OPRM1: variants seen among roughly 807,000 people sequenced by gnomAD.
OPRM1 encodes mu-type opioid receptor.
OPRM1 carries 27 observed loss-of-function variants against 31.8 expected under a neutral mutation model. The observed-to-expected ratio is 0.85, with a 90% confidence interval of 0.63 to 1.17. The LOEUF (loss-of-function observed/expected upper bound fraction) is 1.17. Among genes scored for constraint, OPRM1 ranks in the 50% most tolerant of loss-of-function variants. The probability of loss-of-function intolerance (pLI) is 0.00; values close to 1 mark genes in which losing one functional copy is unlikely to be tolerated. For missense variants in OPRM1, 536 were observed against 511.1 expected, an observed-to-expected ratio of 1.05 and a Z score of -0.47; for synonymous variants, 196 against 189.9, an observed-to-expected ratio of 1.03 and a Z score of -0.26.
intron 1 of OPRM1, among the ~76,000 whole-genome samples, chr6:154,040,104 G>T (rs925106685): frequency 1.4e-4 from 21 of 152,152 alleles, no homozygotes; most frequent in African/African-American, 5.1e-4. Context: ...GGGGTGGGGG[G>T]CGGAGGGAAG....
intron 1 of OPRM1, among the ~76,000 whole-genome samples, chr6:154,061,656 G>A (rs190125757): frequency 8.6e-5 from 13 of 151,920 alleles, no homozygotes; most frequent in Admixed American, 3.3e-4. Context: ...AACAGACACC[G>A]GGGCTTACTT....
chr6:154,119,221 A>C lies in OPRM1; in HGVS notation c.*500A>C. ...TATTTTAGACTTTTAACTTCACCTT[A>C]AAATTAGCATCTGGCTAAGGCATCA... On this transcript the variant is annotated 3_prime_UTR_variant, in exon 4 of 4. Coordinates refer to ENST00000330432, the MANE Select transcript of OPRM1 (RefSeq NM_000914.5). The C allele has an allele frequency of 4.1e-6, 4 of 985,942 alleles. No individual in the cohort carries two copies. Among genetic ancestry groups the C allele is most frequent in the Non-Finnish European group, 4.8e-6 (4 of 829,972 alleles). 61.1% of individuals were successfully genotyped at this position (985,942 alleles called of 1,614,324 possible).
Position 154,091,319 on chromosome 6 carries a change from T to G in OPRM1, c.1011T>G (p.Leu337=), listed in dbSNP as rs752930536. 3.1e-6 allele frequency: 5 copies of G among 1,614,194 alleles called. No individual in the cohort carries two copies. Among genetic ancestry groups the G allele is most frequent in the Non-Finnish European group, 4.2e-6 (5 of 1,180,036 alleles). The change falls in exon 3 of 4, where the codon CTT becomes CTG. Residue 337 remains leucine, a synonymous_variant. Coordinates refer to ENST00000330432, the MANE Select transcript of OPRM1 (RefSeq NM_000914.5). ...CAAACAGCTGCCTCAACCCAGTCCT[T>G]TATGCATTTCTGGATGAAAACTTCA... ...GYTNSCLNPV[L]YAFLDENFKR... is the part of the protein sequence containing the mutation.
At chr6:154,015,576 T>G (rs1777958524) in intron 1 of OPRM1, among the ~76,000 whole-genome samples, 3 of 152,010 alleles carry the variant, frequency 2.0e-5, no homozygotes. Flanking sequence ...CATGGGTAAA[T>G]TCTATAATCT....
intron 1 of OPRM1, among the ~76,000 whole-genome samples, chr6:154,018,947 T>C (rs1778172699): frequency 6.6e-6 from 1 of 151,074 alleles, no homozygotes; most frequent in African/African-American, 2.4e-5. Flanking sequence ...CTTAACAATA[T>C]TACTTTTTTT....
At chr6:154,012,558 G>T (rs1777785878) in intron 1 of OPRM1, among the ~76,000 whole-genome samples, 1 of 152,044 alleles carries the variant, frequency 6.6e-6, no homozygotes, top group Non-Finnish European at 1.5e-5. Context: ...AAACTCAAAG[G>T]TAGGATTTGG....
chr6:154,135,362 G>A (rs964741716), downstream of OPRM1, among the ~76,000 whole-genome samples: 5 of 152,052 alleles, frequency 3.3e-5, no homozygotes, highest in Admixed American at 6.6e-5. Flanking sequence ...CCAGCTACTC[G>A]GGAGGCTGAG....
Position 154,129,986 on chromosome 6 carries a change from T to C in OPRM1, c.*11265T>C, listed in dbSNP as rs375113655. 6.6e-5 allele frequency among the ~76,000 whole-genome samples: 10 copies of C among 152,224 alleles called. No individual in the cohort carries two copies. In the East Asian group the frequency reaches 9.6e-4, roughly 15 times the overall value. On this transcript the variant is annotated 3_prime_UTR_variant, in exon 4 of 4. Transcript: ENST00000330432. ...ATTTACCAAAGGCTTACCTCCTTAT[T>C]TGAAACTCCAGCATCAATAATTTAC... is the stretch of plus-strand genomic sequence containing the variant.
intron 3 of OPRM1, chr6:154,155,722 AGT>A (rs2128543581): frequency 6.6e-6 from 1 of 152,382 alleles, no homozygotes; most frequent in South Asian, 2.1e-4. Context: ...CAGAGGTTGC[AGT>A]GAGCTAAAAT....
chr6:154,049,202 A>G (rs562856011), intron 1 of OPRM1, among the ~76,000 whole-genome samples: 125 of 152,342 alleles, frequency 8.2e-4, no homozygotes, highest in Non-Finnish European at 1.5e-3. Flanking sequence ...GCCACATCAC[A>G]GTCTTCTTGG....
At chr6:154,200,192 T>G in intron 3 of OPRM1, 1 of 719,496 alleles carries the variant, frequency 1.4e-6, no homozygotes, top group South Asian at 2.0e-5. Context: ...TGATATTTAT[T>G]TCTGTTTGAC....
chr6:154,100,007 T>C lies in OPRM1; in HGVS notation c.1164+8535T>C, dbSNP rs966775115. 1.4e-3 allele frequency among the ~76,000 whole-genome samples: 185 copies of C among 132,620 alleles called. 1 individual carries two copies. Among genetic ancestry groups the C allele is most frequent in the African/African-American group, 4.2e-3 (154 of 36,538 alleles). The allele number at this position is 132,620 out of a possible 152,430, so 87.0% of individuals were successfully genotyped here. A position where few individuals can be genotyped will look rare whatever the true frequency, so the allele number is the denominator to read the frequency against. On this transcript the variant is annotated intron_variant, in intron 3 of 3. Transcript: ENST00000330432. ...TAACATATTATATATTATCATATTA[T>C]GATATATATCATAACATATTATATA...
intron 3 of OPRM1, among the ~76,000 whole-genome samples, chr6:154,179,961 G>A (rs899068040): frequency 6.6e-6 from 1 of 152,058 alleles, no homozygotes; most frequent in East Asian, 1.9e-4. Context: ...TGGAATTGCT[G>A]GTCCATGAAC....
intron 1 of OPRM1, among the ~76,000 whole-genome samples, chr6:154,075,667 G>A (rs1200631381): frequency 6.6e-6 from 1 of 152,106 alleles, no homozygotes; most frequent in African/African-American, 2.4e-5. Flanking sequence ...GGCCAGGCTG[G>A]TCTCAAACTC....
Position 154,123,796 on chromosome 6 carries a change from A to G in OPRM1, c.*5075A>G, listed in dbSNP as rs1399225549. ...GAATGTTTTTTAGCATGCTAATGCAATATAATTAGTGTATAATGAGTAGTG... is the reference window on the plus strand; with the variant it reads ...GAATGTTTTTTAGCATGCTAATGCAGTATAATTAGTGTATAATGAGTAGTG... On this transcript the variant is annotated 3_prime_UTR_variant, in exon 4 of 4. Transcript: ENST00000330432. Among the ~76,000 whole-genome samples the G allele has an allele frequency of 1.3e-5, 2 of 152,204 alleles. No individual in the cohort carries two copies. Among genetic ancestry groups the G allele is most frequent in the Non-Finnish European group, 2.9e-5 (2 of 68,034 alleles).
At chr6:154,104,992 G>A (rs978402530) in intron 3 of OPRM1, among the ~76,000 whole-genome samples, 6 of 152,116 alleles carry the variant, frequency 3.9e-5, no homozygotes, top group African/African-American at 9.7e-5. Context: ...GTGTAGGCAA[G>A]GTATGAGGCC....
At chr6:154,193,982 C>T (rs1309143728) in intron 3 of OPRM1, among the ~76,000 whole-genome samples, 1 of 152,156 alleles carries the variant, frequency 6.6e-6, no homozygotes, top group South Asian at 2.1e-4. Context: ...TCATGACATA[C>T]ACAGTTTACA....
Position 154,131,251 on chromosome 6 carries a change from T to C in OPRM1, c.*12530T>C, listed in dbSNP as rs1562499961. ...TTTCCGTAGGAAAAAAATCAAAATATTGTAAAGAATCTGAGTAAATGAGAG... is the reference window on the plus strand; with the variant it reads ...TTTCCGTAGGAAAAAAATCAAAATACTGTAAAGAATCTGAGTAAATGAGAG... On this transcript the variant is annotated 3_prime_UTR_variant, in exon 4 of 4. Transcript: ENST00000330432. Among the ~76,000 whole-genome samples, 1 of 152,174 alleles carries C rather than the reference T, an allele frequency of 6.6e-6. No homozygotes were observed. The highest frequency in any genetic ancestry group is 1.5e-5 in the Non-Finnish European group (1 of 68,036).
chr6:154,118,574 T>C, intron 3 of OPRM1, 109 bp from the exon 4 acceptor site: 1 of 952,492 alleles, frequency 1.0e-6, no homozygotes. Flanking sequence ...CAGGTGAAAG[T>C]ATACATGAAG....
Sources: gnomAD v4.1 joint callset for allele counts (sites outside exome capture counted in the v4.1 genomes callset) on GRCh38, gnomAD v4.1.1 for gene constraint, MANE v1.5 for transcripts, NCBI Gene and HGNC (gene_info 2026-07-23, HGNC 2026-07-21) for gene names.